Variants in ZBTB8A observed in about 807,000 individuals in gnomAD.
ZBTB8A encodes zinc finger and BTB domain-containing protein 8A.
Under a neutral mutation model 37.8 loss-of-function variants are expected in ZBTB8A, and 19 were observed. The ratio of observed to expected loss-of-function variants is 0.50; its 90% CI spans 0.35 to 0.74. The LOEUF (loss-of-function observed/expected upper bound fraction) is 0.74. Ranked by LOEUF, ZBTB8A falls within the 30% of genes least tolerant of loss-of-function variation. The pLI is 0.01. For missense variants in ZBTB8A, 394 were observed against 537.8 expected, an observed-to-expected ratio of 0.73 and a Z score of 2.65; for synonymous variants, 181 against 185.2, an observed-to-expected ratio of 0.98 and a Z score of 0.19.
chr1:32,590,965 C>T (rs953104129), intron 2 of ZBTB8A, among the ~76,000 whole-genome samples: 1 of 151,838 alleles, frequency 6.6e-6, no homozygotes, highest in African/African-American at 2.4e-5. Flanking sequence ...GCAATCTCAA[C>T]TCGCTGCAAC....
intron 1 of ZBTB8A, among the ~76,000 whole-genome samples, chr1:32,545,036 T>C (rs1160628245): frequency 1.3e-5 from 2 of 152,172 alleles, no homozygotes; most frequent in African/African-American, 2.4e-5. Context: ...AATTGCTGGG[T>C]CATATGATAA....
chr1:32,604,521 G>C lies in ZBTB8A; in HGVS notation c.*4102G>C, dbSNP rs1219708550. ...AAGCAGGTAACCATATGGTCTCTTA[G>C]TGAAGCAAATCACATCCTTAGCACA... On this transcript the variant is annotated 3_prime_UTR_variant, in exon 5 of 5. Coordinates refer to ENST00000373510, the MANE Select transcript of ZBTB8A (RefSeq NM_001040441.3). 2 of 152,152 alleles carry C rather than the reference G, an allele frequency of 1.3e-5. No homozygotes were observed. Among genetic ancestry groups the C allele is most frequent in the Non-Finnish European group, 2.9e-5 (2 of 68,036 alleles). The allele number at this position is 152,152 out of a possible 1,614,324, so 9.4% of individuals were successfully genotyped here.
chr1:32,549,753 G>A (rs1644137056), intron 1 of ZBTB8A, among the ~76,000 whole-genome samples: 1 of 152,008 alleles, frequency 6.6e-6, no homozygotes, highest in Non-Finnish European at 1.5e-5. Context: ...ATAAATAAAA[G>A]GAAACAACCC....
chr1:32,589,985 G>A (rs1381328828), intron 2 of ZBTB8A, among the ~76,000 whole-genome samples: 1 of 152,114 alleles, frequency 6.6e-6, no homozygotes, highest in African/African-American at 2.4e-5. Context: ...CTTGGATTCA[G>A]AGACCCACCC....
chr1:32,570,894 A>G (rs548184439), intron 2 of ZBTB8A, among the ~76,000 whole-genome samples: 15 of 147,486 alleles, frequency 1.0e-4, no homozygotes, highest in Admixed American at 2.0e-4. Context: ...TTTTTTTTTT[A>G]AGACTGAGTC....
chr1:32,571,177 A>C (rs113656726), intron 2 of ZBTB8A, among the ~76,000 whole-genome samples: 75 of 152,322 alleles, frequency 4.9e-4, no homozygotes, highest in African/African-American at 1.8e-3. Flanking sequence ...CACCCGGCCT[A>C]TGCCTGTTAT....
chr1:32,558,491 TTCA>T (rs1644220462), intron 2 of ZBTB8A, among the ~76,000 whole-genome samples: 4 of 151,250 alleles, frequency 2.6e-5, no homozygotes, highest in Admixed American at 6.6e-5. Context: ...AAGTAAATTA[TTCA>T]TCAAACATCT....
chr1:32,600,376 G>C lies in ZBTB8A; in HGVS notation c.1283G>C (p.Ser428Thr). The change falls in exon 5 of 5, where the codon AGT becomes ACT. Residue 428 changes from serine to threonine, a missense_variant. Around this residue, in one of 4 missense-constraint regions of ZBTB8A, gnomAD observed 85 missense variants for 89.0 expected, o/e 0.95. Transcript: ENST00000373510. ...CTGGTCATCCAACAGGTTGATGATA[G>C]TGAAGAAGAAGAAGAAAAAGAAATT... ...ADLVIQQVDD[S>T]EEEEEKEIKP... 6.2e-7 allele frequency: 1 copy of C among 1,613,440 alleles called. No individual in the cohort carries two copies. Among genetic ancestry groups the C allele is most frequent in the Non-Finnish European group, 8.5e-7 (1 of 1,179,682 alleles).
rs183232332 is a variant in ZBTB8A at position 32,587,402 on chromosome 1, A to G, written c.-1-5529A>G. Among the ~76,000 whole-genome samples the G allele has an allele frequency of 2.2e-3, 341 of 152,146 alleles. 1 individual carries two copies. Among genetic ancestry groups the G allele is most frequent in the Non-Finnish European group, 3.7e-3 (250 of 68,024 alleles). Reference sequence around the variant, plus strand: ...GATCTAAACAGCTGGTAGAATGGAGATTACATTTCCTAAGATGGATAAGAC... The same window carrying G: ...GATCTAAACAGCTGGTAGAATGGAGGTTACATTTCCTAAGATGGATAAGAC... On this transcript the variant is annotated intron_variant, in intron 2 of 4. Transcript: ENST00000373510.
chr1:32,566,310 T>C (rs961119631), intron 2 of ZBTB8A, among the ~76,000 whole-genome samples: 1 of 152,008 alleles, frequency 6.6e-6, no homozygotes, highest in Non-Finnish European at 1.5e-5. Context: ...GCCCAGAGGT[T>C]TGAGACCAGC....
intron 1 of ZBTB8A, among the ~76,000 whole-genome samples, chr1:32,551,485 C>T (rs961236727): frequency 1.3e-5 from 2 of 151,868 alleles, no homozygotes; most frequent in South Asian, 2.1e-4. Flanking sequence ...GAGGCTGAGG[C>T]GGGTGGTTCA....
At position 32,581,850 on chromosome 1, in the gene ZBTB8A, G is replaced by A. The variant is rs114702596; in HGVS notation, c.-1-11081G>A. ...TTTACAGGGCGGCAGGATGGAGTGA[G>A]TGCCAGCAGAGGAAATGCCAGATGC... On this transcript the variant is annotated intron_variant, in intron 2 of 4. Transcript: ENST00000373510. Among the ~76,000 whole-genome samples the A allele has an allele frequency of 8.0e-3, 1,224 of 152,192 alleles. 16 individuals are homozygous for A. The highest frequency in any genetic ancestry group is 0.028 in the African/African-American group (1,182 of 41,508).
chr1:32,565,332 C>A (rs1024370221), intron 2 of ZBTB8A, among the ~76,000 whole-genome samples: 1 of 151,514 alleles, frequency 6.6e-6, no homozygotes, highest in Admixed American at 6.6e-5. Context: ...TCCCCTCCCC[C>A]CAAAAAAAGA....
intron 2 of ZBTB8A, among the ~76,000 whole-genome samples, chr1:32,558,729 T>C (rs1644222192): frequency 6.6e-6 from 1 of 152,120 alleles, no homozygotes. Context: ...GAGACACAGA[T>C]GAAGGAGTAC....
chr1:32,555,514 T>A lies in ZBTB8A; in HGVS notation c.-2+1974T>A, dbSNP rs551312671. ...CCCCTGTACTGCATCTGTCTTGAAA[T>A]TCTCCACCCTTGGCTAATGTGTCAC... On this transcript the variant is annotated intron_variant, in intron 2 of 4. Coordinates refer to ENST00000373510, the MANE Select transcript of ZBTB8A (RefSeq NM_001040441.3). Among the ~76,000 whole-genome samples the A allele has an allele frequency of 4.6e-5, 7 of 152,288 alleles. No homozygotes were observed. The South Asian group carries it at 6.2e-4, about 14-fold the overall frequency.
chr1:32,576,783 T>G (rs1325708046), intron 2 of ZBTB8A, among the ~76,000 whole-genome samples: 1 of 152,114 alleles, frequency 6.6e-6, no homozygotes, highest in Admixed American at 6.6e-5. Context: ...CAGTTTGATC[T>G]CCATCTCCTG....
Position 32,604,028 on chromosome 1 carries a change from A to G in ZBTB8A, c.*3609A>G, listed in dbSNP as rs1644597730. ...ATGTGGGCAAATGTTACATAGGGGT[A>G]TAATCTGTTTAAATAAGCTTTATTT... is the stretch of plus-strand genomic sequence containing the variant. On this transcript the variant is annotated 3_prime_UTR_variant, in exon 5 of 5. Transcript: ENST00000373510. The G allele has an allele frequency of 6.6e-6, 1 of 152,224 alleles. No individual in the cohort carries two copies. The highest frequency in any genetic ancestry group is 1.5e-5 in the Non-Finnish European group (1 of 68,026). 9.4% of individuals were successfully genotyped at this position (152,224 alleles called of 1,614,324 possible).
At chr1:32,599,191 C>T (rs1372331621) in intron 4 of ZBTB8A, among the ~76,000 whole-genome samples, 3 of 151,758 alleles carry the variant, frequency 2.0e-5, no homozygotes, top group African/African-American at 7.3e-5. Context: ...AGAGAGATTG[C>T]ACCCCCCGCC....
intron 1 of ZBTB8A, among the ~76,000 whole-genome samples, chr1:32,545,871 T>C (rs931055735): frequency 6.6e-6 from 1 of 152,174 alleles, no homozygotes; most frequent in African/African-American, 2.4e-5. Context: ...GGTACAATCA[T>C]TTGCTTTCTT....
Sources: allele counts gnomAD v4.1 joint callset (sites outside exome capture counted in the v4.1 genomes callset), GRCh38; gene constraint gnomAD v4.1.1; regional missense constraint gnomAD v4.1.1; transcripts MANE v1.5; gene names NCBI Gene and HGNC (gene_info 2026-07-23, HGNC 2026-07-21).